Variants in CCDC180 observed in about 807,000 individuals in gnomAD.
CCDC180 encodes coiled-coil domain-containing protein 180.
CCDC180 carries 154 observed loss-of-function variants against 209.2 expected under a neutral mutation model. The ratio of observed to expected loss-of-function variants is 0.74; its 90% CI spans 0.65 to 0.84. The LOEUF is 0.84. Among genes scored for constraint, CCDC180 ranks in the 40% least tolerant of loss-of-function variants. The probability of loss-of-function intolerance (pLI) is 0.00; values close to 1 mark genes in which losing one functional copy is unlikely to be tolerated. For synonymous variants in CCDC180, 778 were observed against 749.1 expected, an observed-to-expected ratio of 1.04 and a Z score of -0.63; for missense variants, 1,874 against 1,997.3, an observed-to-expected ratio of 0.94 and a Z score of 1.18.
chr9:97,325,518 A>G (rs778701831), intron 14 of CCDC180, among the ~76,000 whole-genome samples: 1 of 152,240 alleles, frequency 6.6e-6, no homozygotes, highest in Non-Finnish European at 1.5e-5. Context: ...AACATGAACC[A>G]ACCTCAAAAG....
In CCDC180 at chr9:97,376,875, T is replaced by C. The variant is rs755947469; in HGVS notation, c.4955T>C (p.Ile1652Thr). 3.1e-6 allele frequency: 5 copies of C among 1,612,446 alleles called. No individual in the cohort carries two copies. The highest frequency in any genetic ancestry group is 3.4e-6 in the Non-Finnish European group (4 of 1,179,846). ...KDSWKQSLHT[I>T]QGLYV ...AGCTGGAAGCAGTCCCTGCACACTA[T>C]CCAAGGCCTGTATGTGTGACCCTCC... Residue 1652 changes from isoleucine to threonine, a missense_variant, in exon 37 of 37, where the codon ATC becomes ACC. Transcript: ENST00000529487.
intron 28 of CCDC180, among the ~76,000 whole-genome samples, chr9:97,363,341 T>C (rs1826821285): frequency 6.6e-6 from 1 of 152,200 alleles, no homozygotes; most frequent in South Asian, 2.1e-4. Flanking sequence ...AAGATGACAA[T>C]CTCACTTCCT....
At chr9:97,358,763 C>T (rs969956347) in intron 25 of CCDC180, among the ~76,000 whole-genome samples, 1 of 152,162 alleles carries the variant, frequency 6.6e-6, no homozygotes, top group African/African-American at 2.4e-5. Flanking sequence ...AACAGTCCAG[C>T]CAGGTGCTCC....
chr9:97,335,876 G>A (rs1825889009), intron 18 of CCDC180, among the ~76,000 whole-genome samples: 1 of 152,154 alleles, frequency 6.6e-6, no homozygotes, highest in Non-Finnish European at 1.5e-5. Flanking sequence ...CATTCTAACT[G>A]GTGTGAGATG....
intron 4 of CCDC180, 151 bp downstream of exon 4, chr9:97,312,352 G>C (rs1401584505): frequency 6.3e-6 from 4 of 635,756 alleles, no homozygotes; most frequent in Non-Finnish European, 1.1e-5. Flanking sequence ...CATTCTCCCT[G>C]AGCATCTCAG....
At chr9:97,338,411 C>T (rs991505291) in intron 18 of CCDC180, among the ~76,000 whole-genome samples, 2 of 152,126 alleles carry the variant, frequency 1.3e-5, no homozygotes, top group Non-Finnish European at 2.9e-5. Flanking sequence ...GCCTTCATTT[C>T]GTTATTTACC....
chr9:97,371,210 C>T (rs554533540), intron 33 of CCDC180: 9 of 163,496 alleles, frequency 5.5e-5, no homozygotes, highest in Admixed American at 3.0e-4. Flanking sequence ...ATGATCCACC[C>T]GCCTCGGCCT....
chr9:97,323,313 G>A (rs1193244974), intron 12 of CCDC180, among the ~76,000 whole-genome samples: 2 of 152,088 alleles, frequency 1.3e-5, no homozygotes, highest in African/African-American at 4.8e-5. Flanking sequence ...TATGAATGGA[G>A]GTCATGTCCT....
chr9:97,363,713 C>T, intron 28 of CCDC180: 1 of 491,474 alleles, frequency 2.0e-6, no homozygotes, highest in Non-Finnish European at 4.1e-6. Context: ...AATCTGGCAA[C>T]CCTACCTGTG....
chr9:97,353,122 G>A (rs931981396), intron 22 of CCDC180, among the ~76,000 whole-genome samples: 1 of 152,010 alleles, frequency 6.6e-6, no homozygotes, highest in East Asian at 1.9e-4. Context: ...TCAGCATCCC[G>A]AGTAGCTGGG....
chr9:97,367,924 A>G (rs1202012463), intron 31 of CCDC180, among the ~76,000 whole-genome samples: 2 of 152,196 alleles, frequency 1.3e-5, no homozygotes, highest in Non-Finnish European at 2.9e-5. Flanking sequence ...GAATGACTGG[A>G]ATTGAAACTA....
At chr9:97,336,184 A>G (rs983218264) in intron 18 of CCDC180, among the ~76,000 whole-genome samples, 12 of 152,206 alleles carry the variant, frequency 7.9e-5, no homozygotes, top group African/African-American at 1.9e-4. Context: ...CCATTTGTCA[A>G]TTATGGCTTT....
intron 11 of CCDC180, among the ~76,000 whole-genome samples, chr9:97,322,350 A>G (rs1308516880): frequency 2.6e-5 from 4 of 152,224 alleles, no homozygotes; most frequent in Admixed American, 2.0e-4. Flanking sequence ...GCACTAAACC[A>G]GAGTTGCTTA....
intron 35 of CCDC180, 73 bp downstream of exon 35, chr9:97,374,721 G>A (rs1249819792): frequency 8.2e-7 from 1 of 1,220,800 alleles, no homozygotes; most frequent in Non-Finnish European, 1.2e-6. Context: ...TAATGGTTAG[G>A]GGCTTGGACT....
intron 36 of CCDC180, 104 bp from the exon 37 acceptor site, chr9:97,376,658 TG>T: frequency 8.0e-7 from 1 of 1,248,726 alleles, no homozygotes; most frequent in Non-Finnish European, 1.1e-6. Context: ...TGCCAGTGCC[TG>T]GAATGGGTTA....
At chr9:97,310,209 A>AGGGC (rs1328012896) in intron 3 of CCDC180, among the ~76,000 whole-genome samples, 1 of 152,252 alleles carries the variant, frequency 6.6e-6, no homozygotes, top group Non-Finnish European at 1.5e-5. Flanking sequence ...CAGGAAGGCC[A>AGGGC]GGGCACAGGA....
Position 97,330,719 on chromosome 9 carries a change from G to A in CCDC180, c.2226G>A (p.Lys742=). The part of the protein sequence containing the change: ...EEEEEKLEEE[K]EEKEAQEEQE... ...AGGAGGAGAAGCTGGAGGAAGAGAAGGAGGAGAAGGAGGCACAGGAAGAGC... is the reference window on the plus strand; with the variant it reads ...AGGAGGAGAAGCTGGAGGAAGAGAAAGAGGAGAAGGAGGCACAGGAAGAGC... Residue 742 remains lysine (K), a synonymous_variant, in exon 18 of 37, where the codon AAG becomes AAA. Transcript: ENST00000529487. 2 of 1,605,398 alleles carry A rather than the reference G, an allele frequency of 1.2e-6. No homozygotes were observed. The highest frequency in any genetic ancestry group is 1.7e-6 in the Non-Finnish European group (2 of 1,179,360).
intron 30 of CCDC180, 126 bp downstream of exon 30, chr9:97,365,865 T>C: frequency 1.3e-6 from 1 of 773,786 alleles, no homozygotes; most frequent in Non-Finnish European, 2.1e-6. Flanking sequence ...TGACCACAGC[T>C]CCCCAGCTTC....
Position 97,357,700 on chromosome 9 carries a change from G to A in CCDC180, c.3338G>A (p.Cys1113Tyr). The change falls in exon 25 of 37, where the codon TGT (cysteine) becomes TAT (tyrosine). Residue 1113 changes from cysteine to tyrosine, a missense_variant. Coordinates refer to ENST00000529487, the MANE Select transcript of CCDC180 (RefSeq NM_020893.6). Reference protein sequence around the residue: ...LQQLQNKIKTCQESRGEKTTV... With the variant: ...LQQLQNKIKTYQESRGEKTTV... ...CAGCTTCAGAACAAGATAAAAACTT[G>A]TCAAGAGTCCAGGGGAGAGAAAACC... is the stretch of plus-strand genomic sequence containing the variant. 1 of 1,612,854 alleles carries A rather than the reference G, an allele frequency of 6.2e-7. No individual in the cohort carries two copies. Among genetic ancestry groups the A allele is most frequent in the Non-Finnish European group, 8.5e-7 (1 of 1,179,432 alleles).
Sources: allele counts gnomAD v4.1 joint callset (sites outside exome capture counted in the v4.1 genomes callset), GRCh38; gene constraint gnomAD v4.1.1; transcripts MANE v1.5; gene names NCBI Gene and HGNC (gene_info 2026-07-23, HGNC 2026-07-21).